TENM4: variants seen among roughly 807,000 people sequenced by gnomAD.
TENM4 encodes teneurin-4.
A neutral mutation model predicts 243.3 loss-of-function variants in TENM4; 82 were observed. The observed-to-expected ratio is 0.34, with a 90% CI of 0.28 to 0.40. The LOEUF (loss-of-function observed/expected upper bound fraction) is 0.40, where lower values mean the gene tolerates loss of function less well. TENM4 is among the 10% of genes least tolerant of loss of function. The pLI, the probability that TENM4 is intolerant of heterozygous loss-of-function variation, is 1.00. For synonymous variants in TENM4, 1,412 were observed against 1,456.3 expected, an observed-to-expected ratio of 0.97 and a Z score of 0.69; for missense variants, 3,138 against 3,673.3, an observed-to-expected ratio of 0.85 and a Z score of 3.77.
At chr11:78,905,819 G>C (rs961889290) in intron 6 of TENM4, among the ~76,000 whole-genome samples, 5 of 152,254 alleles carry the variant, frequency 3.3e-5, no homozygotes, top group Admixed American at 3.3e-4. Flanking sequence ...GTCCCACTCA[G>C]AGAACAGGGA....
intron 29 of TENM4, among the ~76,000 whole-genome samples, chr11:78,687,478 C>A (rs1363436715): frequency 6.6e-6 from 1 of 152,166 alleles, no homozygotes; most frequent in Non-Finnish European, 1.5e-5. Flanking sequence ...TGCAAGCCCA[C>A]CTGGGTCACC....
chr11:78,896,895 AC>A (rs1160310402), intron 7 of TENM4, among the ~76,000 whole-genome samples: 1 of 152,076 alleles, frequency 6.6e-6, no homozygotes, highest in South Asian at 2.1e-4. Context: ...GAATATGACT[AC>A]CTACATGCGC....
chr11:78,722,994 C>T lies in TENM4; in HGVS notation c.3551-77G>A, dbSNP rs541887163. Reference sequence around the variant, plus strand: ...TTCCTGTGGTTGACCACAGAGTCACCTGATTTTGCAAGGCATGCAAGATCT... The same window carrying T: ...TTCCTGTGGTTGACCACAGAGTCACTTGATTTTGCAAGGCATGCAAGATCT... On this transcript the variant is annotated intron_variant, in intron 23 of 33. Coordinates refer to ENST00000278550, the MANE Select transcript of TENM4 (RefSeq NM_001098816.3). 1.5e-4 allele frequency: 243 copies of T among 1,570,316 alleles called. 3 individuals are homozygous for T. In the African/African-American group the frequency reaches 2.7e-3, roughly 18 times the overall value.
At chr11:79,159,264 G>A (rs773401502) in intron 3 of TENM4, among the ~76,000 whole-genome samples, 4 of 152,140 alleles carry the variant, frequency 2.6e-5, no homozygotes, top group African/African-American at 7.2e-5. Flanking sequence ...GGACTGCTGT[G>A]TCTAGGTTCA....
chr11:79,157,218 A>G (rs1026460899), intron 3 of TENM4, among the ~76,000 whole-genome samples: 3 of 152,126 alleles, frequency 2.0e-5, no homozygotes, highest in African/African-American at 7.2e-5. Flanking sequence ...GATATGCAAT[A>G]AGACAAGCCA....
In TENM4 at chr11:79,124,853, GTA is replaced by G. The variant is rs552282030; in HGVS notation, c.-66+23855_-66+23856del. ...TGTGTGTGTATATATATACACATAT[GTA>G]TATATATGTATATGTATGTGTATAT... On this transcript the variant is annotated intron_variant, in intron 4 of 33. Coordinates refer to ENST00000278550, the MANE Select transcript of TENM4 (RefSeq NM_001098816.3). Among the ~76,000 whole-genome samples, 104 of 135,518 alleles carry G rather than the reference GTA, an allele frequency of 7.7e-4. 1 individual carries two copies. The highest frequency in any genetic ancestry group is 4.0e-3 in the Middle Eastern group (1 of 248). The allele number at this position is 135,518 out of a possible 152,430, so 88.9% of individuals were successfully genotyped here. A position where few individuals can be genotyped will look rare whatever the true frequency, so the allele number is the denominator to read the frequency against.
At chr11:79,435,845 A>C (rs1041784796) in intron 1 of TENM4, among the ~76,000 whole-genome samples, 2 of 152,134 alleles carry the variant, frequency 1.3e-5, no homozygotes, top group African/African-American at 2.4e-5. Flanking sequence ...CCTTATTTGT[A>C]ACTTTTGATT....
rs555606959 is a variant in TENM4 at position 79,108,858 on chromosome 11, C to T, written c.-65-38849G>A. Among the ~76,000 whole-genome samples the T allele has an allele frequency of 4.1e-4, 63 of 152,258 alleles. 1 individual carries two copies. The highest frequency in any genetic ancestry group is 1.7e-3 in the South Asian group (8 of 4,818). ...AGCCAAGGATCTCCTGGGCTCCTGCCCAGTTCCCTGTCTGCTTTCCCTTCT... is the reference window on the plus strand; with the variant it reads ...AGCCAAGGATCTCCTGGGCTCCTGCTCAGTTCCCTGTCTGCTTTCCCTTCT... On this transcript the variant is annotated intron_variant, in intron 4 of 33. Transcript: ENST00000278550.
intron 6 of TENM4, among the ~76,000 whole-genome samples, chr11:78,926,702 G>T (rs1856559823): frequency 6.7e-6 from 1 of 148,374 alleles, no homozygotes; most frequent in Non-Finnish European, 1.5e-5. Flanking sequence ...TGCCACAGAG[G>T]CATAGCTTTA....
intron 2 of TENM4, among the ~76,000 whole-genome samples, chr11:79,217,385 T>C (rs571308660): frequency 6.6e-6 from 1 of 152,248 alleles, no homozygotes; most frequent in South Asian, 2.1e-4. Context: ...GAATAAGGCA[T>C]GAAGGATACA....
intron 19 of TENM4, among the ~76,000 whole-genome samples, chr11:78,746,958 G>C (rs1208385148): frequency 6.6e-6 from 1 of 152,276 alleles, no homozygotes; most frequent in South Asian, 2.1e-4. Context: ...GGCAGGTCCT[G>C]CTTCACCAGG....
At chr11:79,226,200 C>T (rs1864261547) in intron 2 of TENM4, among the ~76,000 whole-genome samples, 1 of 152,202 alleles carries the variant, frequency 6.6e-6, no homozygotes, top group African/African-American at 2.4e-5. Context: ...TGCTCCAAAA[C>T]AAAACAAGAA....
rs1050585071 is a variant in TENM4, at chr11:79,096,924, G to GCACA, written c.-65-26916_-65-26915insTGTG. On this transcript the variant is annotated intron_variant, in intron 4 of 33. Coordinates refer to ENST00000278550, the MANE Select transcript of TENM4 (RefSeq NM_001098816.3). ...TGGGCATGCACGCACATGCGCGCGCGCGCGCACACACACACACACACACAC... is the reference window on the plus strand; with the variant it reads ...TGGGCATGCACGCACATGCGCGCGCGCACACGCGCACACACACACACACACACAC... 9.9e-5 allele frequency: 12 copies of GCACA among 121,304 alleles called. No homozygotes were observed. In the South Asian group the frequency reaches 2.7e-3, roughly 28 times the overall value. 7.5% of individuals were successfully genotyped at this position (121,304 alleles called of 1,614,324 possible). A position where few individuals can be genotyped will look rare whatever the true frequency, so the allele number is the denominator to read the frequency against.
chr11:79,439,209 A>T (rs1238559225), intron 1 of TENM4: 2 of 148,580 alleles, frequency 1.3e-5, no homozygotes, highest in African/African-American at 5.0e-5. Context: ...CTCGTGTGCT[A>T]CAAACACCAA....
At chr11:79,366,721 G>T (rs1181909040) in intron 1 of TENM4, among the ~76,000 whole-genome samples, 2 of 152,178 alleles carry the variant, frequency 1.3e-5, no homozygotes, top group African/African-American at 4.8e-5. Flanking sequence ...GCTCCTTGAG[G>T]CCTGGGAAGG....
At chr11:79,124,676 T>TAC (rs1171238643) in intron 4 of TENM4, among the ~76,000 whole-genome samples, 25 of 147,170 alleles carry the variant, frequency 1.7e-4, no homozygotes, top group Admixed American at 1.5e-3. Flanking sequence ...TGTGTGTGTG[T>TAC]ATACATACAT....
At chr11:78,871,327 G>A (rs889511830) in intron 9 of TENM4, among the ~76,000 whole-genome samples, 1 of 150,962 alleles carries the variant, frequency 6.6e-6, no homozygotes, top group African/African-American at 2.4e-5. Flanking sequence ...TTACTGACAT[G>A]AACTACCAGA....
intron 3 of TENM4, among the ~76,000 whole-genome samples, chr11:79,186,292 C>A (rs555869280): frequency 1.3e-5 from 2 of 152,246 alleles, no homozygotes; most frequent in East Asian, 3.9e-4. Context: ...AGACAGGAAT[C>A]CACCATACAG....
At chr11:78,942,813 CAAAAA>C (rs35375685) in intron 6 of TENM4, among the ~76,000 whole-genome samples, 2 of 111,844 alleles carry the variant, frequency 1.8e-5, no homozygotes, top group Admixed American at 9.7e-5. Context: ...TCATGACAGA[CAAAAA>C]AAAAAAAAAA....
Sources: allele counts gnomAD v4.1 joint callset (sites outside exome capture counted in the v4.1 genomes callset), GRCh38; gene constraint gnomAD v4.1.1; transcripts MANE v1.5; gene names NCBI Gene and HGNC (gene_info 2026-07-23, HGNC 2026-07-21).